HADHB: variants seen among roughly 807,000 people sequenced by gnomAD.
HADHB encodes trifunctional enzyme subunit beta, mitochondrial.
HADHB carries 50 observed loss-of-function variants against 61.9 expected under a neutral mutation model. The ratio of observed to expected loss-of-function variants is 0.81; its 90% CI spans 0.64 to 1.02. The LOEUF (loss-of-function observed/expected upper bound fraction) is 1.02, where lower values mean the gene tolerates loss of function less well. Ranked by LOEUF, HADHB falls within the 50% of genes least tolerant of loss-of-function variation. The pLI is 0.00. For missense variants in HADHB, 504 were observed against 586.5 expected (o/e 0.86, Z 1.45); for synonymous variants, 191 against 201.6 (o/e 0.95, Z 0.45).
intron 3 of HADHB, among the ~76,000 whole-genome samples, chr2:26,259,072 G>C (rs1671756802): frequency 6.6e-6 from 1 of 152,092 alleles, no homozygotes; most frequent in African/African-American, 2.4e-5. Context: ...TGAAACCCTA[G>C]CTTGAAAATC....
chr2:26,284,593 G>C (rs1436959234), intron 13 of HADHB, among the ~76,000 whole-genome samples: 2 of 151,762 alleles, frequency 1.3e-5, no homozygotes, highest in Non-Finnish European at 2.9e-5. Context: ...CTCCCGAGTA[G>C]CTGGGACAAG....
chr2:26,273,428 C>T (rs566846348), intron 5 of HADHB, among the ~76,000 whole-genome samples: 6 of 152,222 alleles, frequency 3.9e-5, no homozygotes, highest in South Asian at 2.1e-4. Flanking sequence ...TCTCTAACTT[C>T]TCATTACCAA....
At chr2:26,261,878 T>C (rs901763067) in intron 3 of HADHB, among the ~76,000 whole-genome samples, 3 of 152,138 alleles carry the variant, frequency 2.0e-5, no homozygotes, top group Admixed American at 6.6e-5. Context: ...AATCCTGTTT[T>C]CCTCTTTCCT....
At chr2:26,248,161 T>C (rs764276541) in intron 1 of HADHB, among the ~76,000 whole-genome samples, 7 of 152,232 alleles carry the variant, frequency 4.6e-5, no homozygotes, top group Non-Finnish European at 1.0e-4. Flanking sequence ...TACACATTGT[T>C]CTGTAGCTTG....
intron 15 of HADHB, 73 bp from the exon 16 acceptor site, chr2:26,289,845 G>C: frequency 9.9e-7 from 1 of 1,008,092 alleles, no homozygotes; most frequent in Non-Finnish European, 1.6e-6. Flanking sequence ...TTTTCTCCTT[G>C]TTCTCTGCTG....
At chr2:26,246,883 C>T (rs954796683) in intron 1 of HADHB, among the ~76,000 whole-genome samples, 53 of 152,294 alleles carry the variant, frequency 3.5e-4, no homozygotes, top group African/African-American at 1.3e-3. Context: ...CTGGTAATAG[C>T]AAACACAGGT....
intron 3 of HADHB, chr2:26,261,162 C>A (rs1316417210): frequency 7.7e-6 from 5 of 652,326 alleles, no homozygotes; most frequent in African/African-American, 1.8e-5. Flanking sequence ...CAGGGCAACT[C>A]CCTTTAGAGG....
rs547899416 is a variant in HADHB at position 26,274,947 on chromosome 2, A to G, written c.354+1197A>G. ...ATTCAGTTCTTTTTTTCCTAAAACT[A>G]AAGCCATAATGTTTTCCTCTGAAAT... On this transcript the variant is annotated intron_variant, in intron 6 of 15. Transcript: ENST00000317799. Among the ~76,000 whole-genome samples the G allele has an allele frequency of 5.3e-5, 8 of 152,296 alleles. No homozygotes were observed. In the South Asian group the frequency reaches 1.5e-3, roughly 28 times the overall value.
At position 26,290,165 on chromosome 2, in the gene HADHB, C is replaced by T; in HGVS notation, c.*212C>T. ...TGCTCTTTCAGGGATTTCTAAGCCA[C>T]CAGAATCTCACATGAGATGTGTGGG... On this transcript the variant is annotated 3_prime_UTR_variant, in exon 16 of 16. Transcript: ENST00000317799. 1.7e-6 allele frequency: 1 copy of T among 596,548 alleles called. No homozygotes were observed. The highest frequency in any genetic ancestry group is 1.9e-5 in the South Asian group (1 of 51,338). The allele number at this position is 596,548 out of a possible 1,614,324, so 37.0% of individuals were successfully genotyped here. A position where few individuals can be genotyped will look rare whatever the true frequency, so the allele number is the denominator to read the frequency against.
chr2:26,248,779 G>T (rs1221898706), intron 1 of HADHB, among the ~76,000 whole-genome samples: 1 of 152,158 alleles, frequency 6.6e-6, no homozygotes, highest in Non-Finnish European at 1.5e-5. Context: ...CAAAAAGGCT[G>T]GGCGCAGTGG....
At chr2:26,285,626 T>G (rs1672993655) in intron 15 of HADHB, 55 bp downstream of exon 15, 1 of 1,453,488 alleles carries the variant, frequency 6.9e-7, no homozygotes, top group Non-Finnish European at 9.6e-7. Context: ...TTGGAATGAC[T>G]AGAATGTATG....
At position 26,279,164 on chromosome 2, in the gene HADHB, T is replaced by G. The variant is rs1319803633; in HGVS notation, c.660T>G (p.Ser220Arg). The G allele has an allele frequency of 6.2e-7, 1 of 1,613,842 alleles. No individual in the cohort carries two copies. Among genetic ancestry groups the G allele is most frequent in the South Asian group, 1.1e-5 (1 of 91,080 alleles). The part of the protein sequence containing the change: ...ELPAVSEFST[S>R]ETMGHSADRL... ...CTGCGGTTTCTGAGTTCTCCACCAG[T>G]GAGACCATGGGCCACTCTGCAGACC... The change falls in exon 9 of 16, where the codon AGT becomes AGG. Residue 220 changes from serine to arginine, a missense_variant. Physicochemically the swap from Ser to Arg is moderately radical, Grantham distance 110. Coordinates refer to ENST00000317799, the MANE Select transcript of HADHB (RefSeq NM_000183.3).
chr2:26,278,661 G>A lies in HADHB; in HGVS notation c.490G>A (p.Gly164Ser). The A allele has an allele frequency of 6.2e-7, 1 of 1,614,154 alleles. No homozygotes were observed. Among genetic ancestry groups the A allele is most frequent in the Non-Finnish European group, 8.5e-7 (1 of 1,179,984 alleles). The change falls in exon 8 of 16, where the codon GGT (glycine) becomes AGT (serine). Residue 164 changes from glycine (G) to serine (S), a missense_variant. Coordinates refer to ENST00000317799, the MANE Select transcript of HADHB (RefSeq NM_000183.3). ...CCAGTGTGATGTGATCGTGGCAGGT[G>A]GTGTTGAGTTGATGTCCGATGTCCC... ...SGQCDVIVAGGVELMSDVPIR... is the reference protein window; with the variant it reads ...SGQCDVIVAGSVELMSDVPIR...
At chr2:26,283,699 C>A (rs1202225074) in intron 12 of HADHB, among the ~76,000 whole-genome samples, 1 of 151,942 alleles carries the variant, frequency 6.6e-6, no homozygotes, top group Admixed American at 6.6e-5. Flanking sequence ...GGCTACACAC[C>A]CTGCTACACA....
At chr2:26,249,230 G>A (rs1183242667) in intron 1 of HADHB, among the ~76,000 whole-genome samples, 2 of 151,816 alleles carry the variant, frequency 1.3e-5, no homozygotes, top group Non-Finnish European at 2.9e-5. Context: ...AATCAAATTG[G>A]CTTCTTAAAG....
At chr2:26,276,048 A>G (rs1273637232) in intron 6 of HADHB, among the ~76,000 whole-genome samples, 2 of 152,166 alleles carry the variant, frequency 1.3e-5, no homozygotes. Flanking sequence ...TCTAAAGTAA[A>G]ACTTTAATAT....
At position 26,254,425 on chromosome 2, in the gene HADHB, T is replaced by G; in HGVS notation, c.65-5T>G. The G allele has an allele frequency of 6.2e-7, 1 of 1,602,212 alleles. No homozygotes were observed. The highest frequency in any genetic ancestry group is 8.6e-7 in the Non-Finnish European group (1 of 1,169,348). ...TTTTTGTAAACAGTTTATTTTGTCT[T>G]CCAGCCATAAGACCTCTGAGCTGTT... On this transcript the variant is annotated splice_region_variant and splice_polypyrimidine_tract_variant and intron_variant, in intron 2 of 15. Transcript: ENST00000317799.
At chr2:26,287,153 G>T (rs1296449095) in intron 15 of HADHB, among the ~76,000 whole-genome samples, 1 of 152,046 alleles carries the variant, frequency 6.6e-6, no homozygotes, top group African/African-American at 2.4e-5. Flanking sequence ...GCAGTGAGCC[G>T]AGATGGCGCC....
At chr2:26,258,597 G>A (rs939699590) in intron 3 of HADHB, among the ~76,000 whole-genome samples, 1 of 152,170 alleles carries the variant, frequency 6.6e-6, no homozygotes, top group African/African-American at 2.4e-5. Context: ...CAGCGGGTCT[G>A]TGACAGTGGC....
Sources: gnomAD v4.1 joint callset for allele counts (sites outside exome capture counted in the v4.1 genomes callset) on GRCh38, gnomAD v4.1.1 for gene constraint, MANE v1.5 for transcripts, NCBI Gene and HGNC (gene_info 2026-07-23, HGNC 2026-07-21) for gene names.